BMPR1A: variants seen among roughly 807,000 people sequenced by gnomAD.
The protein encoded by BMPR1A is bone morphogenetic protein receptor type 1A.
Under a neutral mutation model 66.0 loss-of-function variants are expected in BMPR1A, and 7 were observed. The observed-to-expected ratio is 0.11, with a 90% CI of 0.06 to 0.20. BMPR1A has a LOEUF of 0.20. BMPR1A is among the 10% of genes least tolerant of loss of function. BMPR1A has a pLI of 1.00. For missense variants in BMPR1A, 408 were observed against 669.1 expected (o/e 0.61, Z 4.31); for synonymous variants, 200 against 229.7 (o/e 0.87, Z 1.17).
At chr10:86,821,509 A>C (rs1842119848) in intron 1 of BMPR1A, among the ~76,000 whole-genome samples, 1 of 152,132 alleles carries the variant, frequency 6.6e-6, no homozygotes, top group Non-Finnish European at 1.5e-5. Context: ...TTTTATTAGT[A>C]GGATTGCTCA....
intron 5 of BMPR1A, among the ~76,000 whole-genome samples, chr10:86,895,394 C>T (rs1333265418): frequency 6.6e-6 from 1 of 151,970 alleles, no homozygotes; most frequent in African/African-American, 2.4e-5. Context: ...AAAACTTAGT[C>T]AGGCGTGGTG....
chr10:86,797,916 A>C (rs952047935), intron 1 of BMPR1A, among the ~76,000 whole-genome samples: 9 of 152,208 alleles, frequency 5.9e-5, no homozygotes, highest in Admixed American at 2.6e-4. Flanking sequence ...GAATATATTT[A>C]TATATTTAAA....
At chr10:86,872,173 T>A (rs1255450574) in intron 2 of BMPR1A, among the ~76,000 whole-genome samples, 1 of 152,226 alleles carries the variant, frequency 6.6e-6, no homozygotes, top group Non-Finnish European at 1.5e-5. Flanking sequence ...TTTTTTTGTC[T>A]ATAAAAATTT....
At chr10:86,784,888 G>T (rs1564683236) in intron 1 of BMPR1A, among the ~76,000 whole-genome samples, 1 of 149,266 alleles carries the variant, frequency 6.7e-6, no homozygotes, top group South Asian at 2.1e-4. Context: ...TTTGAGTCTT[G>T]TTTTTTTTTC....
In BMPR1A at chr10:86,871,609, C is replaced by T. The variant is rs147425016; in HGVS notation, c.-152-4258C>T. On this transcript the variant is annotated intron_variant, in intron 2 of 12. Transcript: ENST00000372037. The stretch of plus-strand genomic sequence containing the variant: ...GGTGGATTGCTTGAGTCCAGGAGTT[C>T]GAGATCAGTCTGGGCAACATGGCAA... Among the ~76,000 whole-genome samples, 335 of 152,096 alleles carry T rather than the reference C, an allele frequency of 2.2e-3. 1 individual carries two copies. The highest frequency in any genetic ancestry group is 7.7e-3 in the African/African-American group (321 of 41,500).
intron 7 of BMPR1A, among the ~76,000 whole-genome samples, chr10:86,911,946 T>A (rs1301036602): frequency 1.3e-5 from 2 of 152,204 alleles, no homozygotes; most frequent in African/African-American, 2.4e-5. Flanking sequence ...AAATGTATAT[T>A]GTGATTATTT....
intron 1 of BMPR1A, among the ~76,000 whole-genome samples, chr10:86,783,095 A>G (rs1841461271): frequency 6.6e-6 from 1 of 152,238 alleles, no homozygotes; most frequent in African/African-American, 2.4e-5. Context: ...GTGGACATCC[A>G]GTTTTTCCAG....
intron 1 of BMPR1A, among the ~76,000 whole-genome samples, chr10:86,825,464 T>C (rs1589733857): frequency 7.6e-6 from 1 of 131,072 alleles, no homozygotes. Context: ...TTCATTTAAC[T>C]TTTTTTGTTT....
At chr10:86,929,032 T>C (rs768985206), downstream of BMPR1A, 2 of 151,972 alleles carry the variant, frequency 1.3e-5, no homozygotes, top group Non-Finnish European at 2.9e-5. Context: ...AACTTTTTTT[T>C]TAATGACTGC....
chr10:86,774,761 G>A (rs1841319335), intron 1 of BMPR1A, among the ~76,000 whole-genome samples: 1 of 152,180 alleles, frequency 6.6e-6, no homozygotes, highest in South Asian at 2.1e-4. Flanking sequence ...ATTCAAGGAT[G>A]ATTTGACCTT....
chr10:86,781,697 A>T (rs574396467), intron 1 of BMPR1A, among the ~76,000 whole-genome samples: 9 of 152,054 alleles, frequency 5.9e-5, no homozygotes, highest in South Asian at 4.2e-4. Flanking sequence ...GCTCCTGGCA[A>T]CCACCAGTCT....
At chr10:86,843,052 C>G (rs553272830) in intron 2 of BMPR1A, among the ~76,000 whole-genome samples, 1 of 152,122 alleles carries the variant, frequency 6.6e-6, no homozygotes, top group Non-Finnish European at 1.5e-5. Flanking sequence ...ACTAGAGAGA[C>G]AAGTTAGGCT....
intron 3 of BMPR1A, among the ~76,000 whole-genome samples, chr10:86,879,726 G>A (rs927561125): frequency 6.6e-6 from 1 of 152,148 alleles, no homozygotes; most frequent in African/African-American, 2.4e-5. Flanking sequence ...CCTCTCCTTC[G>A]GGTCCAGGTG....
rs543964028 is a variant in BMPR1A at position 86,877,269 on chromosome 10, G to A, written c.67+1184G>A. ...GTCACCGAGGCTGGAGTACAGTGGC[G>A]CCATCTCGGCTCACTGCAAGCTCCG... is the stretch of plus-strand genomic sequence containing the variant. On this transcript the variant is annotated intron_variant, in intron 3 of 12. Coordinates refer to ENST00000372037, the MANE Select transcript of BMPR1A (RefSeq NM_004329.3). 1.3e-3 allele frequency among the ~76,000 whole-genome samples: 197 copies of A among 149,984 alleles called. 2 individuals carry two copies. The highest frequency in any genetic ancestry group is 2.7e-3 in the Admixed American group (41 of 15,042).
At chr10:86,874,708 T>C in intron 2 of BMPR1A, among the ~76,000 whole-genome samples, 1 of 123,852 alleles carries the variant, frequency 8.1e-6, no homozygotes, top group African/African-American at 3.1e-5. Context: ...CACCCGACCT[T>C]CTTTTTTTTT....
chr10:86,760,248 C>CTTTTTTTTTTTTTTTTT (rs60211336), intron 1 of BMPR1A, among the ~76,000 whole-genome samples: 8 of 17,008 alleles, frequency 4.7e-4, no homozygotes, highest in Non-Finnish European at 5.5e-4. Flanking sequence ...TTCTTTCTTT[C>CTTTTTTTTTTTTTTTTT]TTTTTTTTTT....
intron 1 of BMPR1A, among the ~76,000 whole-genome samples, chr10:86,830,168 C>G (rs763875041): frequency 6.6e-6 from 1 of 152,054 alleles, no homozygotes; most frequent in Non-Finnish European, 1.5e-5. Flanking sequence ...CTAAACTGAC[C>G]GTAACAGGAT....
intron 1 of BMPR1A, among the ~76,000 whole-genome samples, chr10:86,808,078 A>G (rs1841917109): frequency 6.6e-6 from 1 of 152,168 alleles, no homozygotes; most frequent in South Asian, 2.1e-4. Flanking sequence ...TACTGATGCA[A>G]TATCTTTAAT....
rs558137162 is a variant in BMPR1A at position 86,925,830 on chromosome 10, C to A, written c.*2111C>A. ...GCAAGCTCCGCTTCCCGGGTTCACG[C>A]CATTCTCCTGCCTCAGCCTCCCGAG... On this transcript the variant is annotated 3_prime_UTR_variant, in exon 13 of 13. Coordinates refer to ENST00000372037, the MANE Select transcript of BMPR1A (RefSeq NM_004329.3). The A allele has an allele frequency of 1.9e-5, 3 of 159,764 alleles. No homozygotes were observed. Among genetic ancestry groups the A allele is most frequent in the Non-Finnish European group, 4.0e-5 (3 of 74,536 alleles). The allele number at this position is 159,764 out of a possible 1,614,324, so 9.9% of individuals were successfully genotyped here.
Sources: allele counts gnomAD v4.1 joint callset (sites outside exome capture counted in the v4.1 genomes callset), GRCh38; gene constraint gnomAD v4.1.1; transcripts MANE v1.5; gene names NCBI Gene and HGNC (gene_info 2026-07-23, HGNC 2026-07-21).